CCDC73: variants seen among roughly 807,000 people sequenced by gnomAD.
The protein encoded by CCDC73 is coiled-coil domain-containing protein 73.
In CCDC73, 95 loss-of-function variants were observed where a neutral mutation model predicts 116.5. The ratio of observed to expected loss-of-function variants is 0.82; its 90% CI spans 0.69 to 0.97. CCDC73 has a LOEUF of 0.97. Ranked by LOEUF, CCDC73 falls within the 50% of genes least tolerant of loss-of-function variation. CCDC73 has a pLI of 0.00. For missense variants in CCDC73, 1,066 were observed against 1,206.8 expected, an observed-to-expected ratio of 0.88 and a Z score of 1.73; for synonymous variants, 398 against 401.3, an observed-to-expected ratio of 0.99 and a Z score of 0.10.
chr11:32,700,848 T>A, intron 4 of CCDC73, 22 bp from the exon 5 acceptor site: 1 of 1,351,486 alleles, frequency 7.4e-7, no homozygotes, highest in Non-Finnish European at 1.0e-6. Flanking sequence ...TTTTAAAAAT[T>A]AAAATAAAGG....
chr11:32,737,756 T>C (rs1850148263), intron 2 of CCDC73, among the ~76,000 whole-genome samples: 1 of 152,112 alleles, frequency 6.6e-6, no homozygotes, highest in South Asian at 2.1e-4. Flanking sequence ...TATAGTCACC[T>C]TATTGTGCTA....
chr11:32,709,889 T>C (rs1003185406), intron 3 of CCDC73, among the ~76,000 whole-genome samples: 3 of 152,220 alleles, frequency 2.0e-5, no homozygotes, highest in African/African-American at 7.2e-5. Context: ...CTGCTTGTTA[T>C]TGGTCTGTTC....
chr11:32,696,858 ATT>A (rs562273835), intron 6 of CCDC73, among the ~76,000 whole-genome samples: 15 of 141,064 alleles, frequency 1.1e-4, no homozygotes, highest in Admixed American at 7.2e-5. Flanking sequence ...AAACACAAGG[ATT>A]TTTTTTTTTT....
intron 1 of CCDC73, among the ~76,000 whole-genome samples, chr11:32,765,693 A>C (rs555646154): frequency 4.0e-4 from 61 of 152,372 alleles, no homozygotes; most frequent in African/African-American, 1.4e-3. Flanking sequence ...CTAACATCAC[A>C]ATTAAAAGAA....
intron 2 of CCDC73, among the ~76,000 whole-genome samples, chr11:32,721,717 C>T (rs542502098): frequency 1.6e-5 from 1 of 63,906 alleles, no homozygotes; most frequent in Non-Finnish European, 3.2e-5. Flanking sequence ...CCTCAGCCTC[C>T]CGAGTAGCTG....
At chr11:32,820,664 T>C in the CCDC73 span, among the ~76,000 whole-genome samples, 1 of 152,198 alleles carries the variant, frequency 6.6e-6, no homozygotes, top group Non-Finnish European at 1.5e-5. Flanking sequence ...TGCATTACTA[T>C]TGCCTTCTAA....
At chr11:32,603,058 A>C (rs1855297373) in intron 17 of CCDC73, 38 bp from the exon 18 acceptor site, 1 of 1,496,206 alleles carries the variant, frequency 6.7e-7, no homozygotes, top group African/African-American at 1.4e-5. Flanking sequence ...CGAAATTATT[A>C]TACAAAAGAT....
intron 12 of CCDC73, among the ~76,000 whole-genome samples, chr11:32,648,047 C>T (rs1855793997): frequency 6.6e-6 from 1 of 152,164 alleles, no homozygotes; most frequent in East Asian, 1.9e-4. Context: ...CAACAGAAAC[C>T]TCCAATCTTC....
intron 6 of CCDC73, among the ~76,000 whole-genome samples, chr11:32,685,244 C>A (rs1856185642): frequency 8.5e-6 from 1 of 118,158 alleles, no homozygotes; most frequent in Admixed American, 1.2e-4. Flanking sequence ...TTGATATAGA[C>A]ATTGGGGGTA....
chr11:32,738,886 A>C (rs1166428997), intron 2 of CCDC73, among the ~76,000 whole-genome samples: 1 of 152,172 alleles, frequency 6.6e-6, no homozygotes, highest in Non-Finnish European at 1.5e-5. Flanking sequence ...ATACGGAAAC[A>C]TAGTGGTCTA....
intron 3 of CCDC73, among the ~76,000 whole-genome samples, chr11:32,705,473 T>C (rs962183295): frequency 6.6e-6 from 1 of 152,178 alleles, no homozygotes; most frequent in African/African-American, 2.4e-5. Context: ...CTGGCTGCCC[T>C]GCCGCAGCAG....
chr11:32,757,147 A>G (rs768802742), intron 2 of CCDC73, among the ~76,000 whole-genome samples: 4 of 152,114 alleles, frequency 2.6e-5, no homozygotes, highest in African/African-American at 7.2e-5. Flanking sequence ...CACAACAAGA[A>G]TAAATCTCAA....
At chr11:32,610,269 C>A (rs1855408890) in intron 17 of CCDC73, among the ~76,000 whole-genome samples, 3 of 152,288 alleles carry the variant, frequency 2.0e-5, no homozygotes, top group South Asian at 4.1e-4. Flanking sequence ...CACATGGGAA[C>A]TGTGGGAGTG....
chr11:32,666,936 T>C (rs1351586060), intron 9 of CCDC73, among the ~76,000 whole-genome samples: 1 of 152,194 alleles, frequency 6.6e-6, no homozygotes, highest in Non-Finnish European at 1.5e-5. Flanking sequence ...CCAGACCCTG[T>C]TTGCCTGGCT....
chr11:32,829,924 G>A, the CCDC73 span: 1 of 985,568 alleles, frequency 1.0e-6, no homozygotes, highest in Non-Finnish European at 1.2e-6. Flanking sequence ...GCCTCCTCCC[G>A]TCCTCCGTCG....
At chr11:32,622,040 G>A (rs1376118986) in intron 14 of CCDC73, among the ~76,000 whole-genome samples, 1 of 152,192 alleles carries the variant, frequency 6.6e-6, no homozygotes, top group Non-Finnish European at 1.5e-5. Context: ...TGGAGAAATA[G>A]GAATGCTTTT....
intron 2 of CCDC73, among the ~76,000 whole-genome samples, chr11:32,732,419 A>G (rs1212703115): frequency 2.0e-5 from 3 of 152,092 alleles, no homozygotes; most frequent in Admixed American, 6.6e-5. Flanking sequence ...TACAGAGAAC[A>G]CCACAAAGAT....
chr11:32,613,065 C>T (rs1403726610), intron 16 of CCDC73, among the ~76,000 whole-genome samples: 2 of 151,748 alleles, frequency 1.3e-5, no homozygotes, highest in Non-Finnish European at 2.9e-5. Flanking sequence ...AAGGAAGAGC[C>T]GGATTTCTGG....
chr11:32,665,401 A>G (rs1282622748), intron 9 of CCDC73, among the ~76,000 whole-genome samples: 8 of 152,090 alleles, frequency 5.3e-5, no homozygotes, highest in Non-Finnish European at 7.4e-5. Flanking sequence ...TGATCCCTTT[A>G]CCATTATGTA....
Sources: allele counts gnomAD v4.1 joint callset (sites outside exome capture counted in the v4.1 genomes callset), GRCh38; gene constraint gnomAD v4.1.1; transcripts MANE v1.5; gene names NCBI Gene and HGNC (gene_info 2026-07-23, HGNC 2026-07-21).